Variants in ITGB5 observed in about 807,000 individuals in gnomAD.
ITGB5 encodes integrin subunit beta 5.
ITGB5 carries 38 observed loss-of-function variants against 84.8 expected under a neutral mutation model. The ratio of observed to expected loss-of-function variants is 0.45; its 90% CI spans 0.35 to 0.59. ITGB5 has a LOEUF of 0.59. Ranked by LOEUF, ITGB5 falls within the 20% of genes least tolerant of loss-of-function variation. The pLI, the probability that ITGB5 is intolerant of heterozygous loss-of-function variation, is 0.01. For missense variants in ITGB5, 905 were observed against 1,034.5 expected (o/e 0.87, Z 1.72); for synonymous variants, 393 against 414.4 (o/e 0.95, Z 0.63).
At chr3:124,844,726 C>T (rs12490725) in intron 4 of ITGB5, among the ~76,000 whole-genome samples, 17,399 of 152,140 alleles carry the variant, frequency 0.11, 1,108 homozygotes, top group South Asian at 0.17. Flanking sequence ...TGCATAAAGC[C>T]GAACAGCACA....
intron 2 of ITGB5, among the ~76,000 whole-genome samples, chr3:124,865,370 C>T (rs913775015): frequency 3.3e-5 from 5 of 151,524 alleles, no homozygotes; most frequent in African/African-American, 1.2e-4. Flanking sequence ...GGTTCCTGTA[C>T]ACAAACAAAG....
intron 2 of ITGB5, among the ~76,000 whole-genome samples, chr3:124,867,735 A>G (rs571430082): frequency 6.6e-6 from 1 of 152,190 alleles, no homozygotes; most frequent in Admixed American, 6.5e-5. Context: ...GCATCCGCAC[A>G]CTCTCCTCCA....
rs570480979 is a variant in ITGB5 at position 124,763,774 on chromosome 3, C to T, written c.2305-56G>A. ...ACACATGTTAGCTCACACACTCAAACCGACAGACGCAGGCCCTAGGATCCC... is the reference window on the plus strand; with the variant it reads ...ACACATGTTAGCTCACACACTCAAATCGACAGACGCAGGCCCTAGGATCCC... On this transcript the variant is annotated intron_variant, in intron 14 of 14. Transcript: ENST00000296181. 5.5e-5 allele frequency: 57 copies of T among 1,028,602 alleles called. No individual in the cohort carries two copies. The South Asian group carries it at 7.2e-4, about 13-fold the overall frequency. 63.7% of individuals were successfully genotyped at this position (1,028,602 alleles called of 1,614,324 possible). A position where few individuals can be genotyped will look rare whatever the true frequency, so the allele number is the denominator to read the frequency against.
intron 10 of ITGB5, among the ~76,000 whole-genome samples, chr3:124,783,290 CAAAAAAAA>C (rs758967509): frequency 7.0e-5 from 4 of 56,988 alleles, no homozygotes; most frequent in South Asian, 6.7e-4. Context: ...GACTCCGTCT[CAAAAAAAA>C]AAAAAAAAAA....
At chr3:124,845,376 G>A (rs941299386) in intron 4 of ITGB5, among the ~76,000 whole-genome samples, 3 of 152,240 alleles carry the variant, frequency 2.0e-5, no homozygotes, top group East Asian at 1.9e-4. Context: ...ACAGGATGCC[G>A]TGCTGCCTGG....
intron 4 of ITGB5, among the ~76,000 whole-genome samples, chr3:124,846,048 G>C (rs2065073573): frequency 6.6e-6 from 1 of 152,180 alleles, no homozygotes; most frequent in African/African-American, 2.4e-5. Context: ...AAAGAATTTA[G>C]AGTTCATTTG....
chr3:124,827,685 G>A (rs368549433), intron 5 of ITGB5, among the ~76,000 whole-genome samples: 23 of 152,248 alleles, frequency 1.5e-4, no homozygotes, highest in African/African-American at 5.3e-4. Flanking sequence ...CTAAGCCATC[G>A]TATCCCCTGT....
At chr3:124,801,388 T>A (rs2064313597) in intron 9 of ITGB5, among the ~76,000 whole-genome samples, 1 of 152,206 alleles carries the variant, frequency 6.6e-6, no homozygotes, top group South Asian at 2.1e-4. Context: ...TATTTCTCTT[T>A]GAGGACATCC....
At position 124,796,743 on chromosome 3, in the gene ITGB5, C is replaced by A; in HGVS notation, c.1338G>T (p.Pro446=). 1 of 1,614,120 alleles carries A rather than the reference C, an allele frequency of 6.2e-7. No homozygotes were observed. Among genetic ancestry groups the A allele is most frequent in the Non-Finnish European group, 8.5e-7 (1 of 1,180,024 alleles). ...RHTEHVFALR[P]VGFRDSLEVG... Reference sequence around the variant, plus strand: ...CCTCCAGGCTGTCCCGGAATCCCACCGGCCGCAGGGCAAACACATGCTCCG... The same window carrying A: ...CCTCCAGGCTGTCCCGGAATCCCACAGGCCGCAGGGCAAACACATGCTCCG... The change falls in exon 10 of 15, where the codon CCG becomes CCT. Residue 446 remains proline, a synonymous_variant. Transcript: ENST00000296181.
chr3:124,769,278 G>A lies in ITGB5; in HGVS notation c.1917-165C>T, dbSNP rs1382439456. ...CTGCTCTGCCTTTCTTCTTGTTATG[G>A]GAGGAAGCCCAAGGGTTCTTGGAGG... On this transcript the variant is annotated intron_variant, in intron 11 of 14. Transcript: ENST00000296181. 6.7e-6 allele frequency: 4 copies of A among 598,256 alleles called. No individual in the cohort carries two copies. In the Admixed American group the frequency reaches 1.2e-4, roughly 18 times the overall value. The allele number at this position is 598,256 out of a possible 1,614,324, so 37.1% of individuals were successfully genotyped here.
intron 2 of ITGB5, among the ~76,000 whole-genome samples, chr3:124,861,178 A>G (rs1379669224): frequency 6.6e-6 from 1 of 151,968 alleles, no homozygotes; most frequent in East Asian, 1.9e-4. Context: ...GTTTGTTTAT[A>G]TTCTGGGTTG....
intron 10 of ITGB5, 124 bp from the exon 11 acceptor site, chr3:124,774,036 A>G (rs2063888013): frequency 1.2e-6 from 1 of 863,126 alleles, no homozygotes; most frequent in South Asian, 1.6e-5. Context: ...CTGCCCTCAG[A>G]GCCTGTTTGG....
chr3:124,821,319 G>T lies in ITGB5; in HGVS notation c.936C>A (p.Asn312Lys). 1 of 1,612,996 alleles carries T rather than the reference G, an allele frequency of 6.2e-7. No individual in the cohort carries two copies. The highest frequency in any genetic ancestry group is 8.5e-7 in the Non-Finnish European group (1 of 1,179,438). ...LNEANEYTAS[N>K]QMDYPSLALL... ...TCTGGTTCCCGGCACTCACCATCTG[G>T]TTGGATGCAGTGTACTCGTTGGCCT... Residue 312 changes from asparagine (N) to lysine (K), a missense_variant, in exon 6 of 15, where the codon AAC becomes AAA. Coordinates refer to ENST00000296181, the MANE Select transcript of ITGB5 (RefSeq NM_002213.5).
chr3:124,803,175 A>G (rs2064341987), intron 9 of ITGB5, among the ~76,000 whole-genome samples: 2 of 152,150 alleles, frequency 1.3e-5, no homozygotes, highest in Non-Finnish European at 2.9e-5. Context: ...CATTTTTCTG[A>G]GGTATCCCAG....
intron 11 of ITGB5, 152 bp downstream of exon 11, chr3:124,773,538 G>T: frequency 1.5e-6 from 1 of 646,740 alleles, no homozygotes; most frequent in African/African-American, 1.8e-5. Context: ...TTTCAGTTAC[G>T]GTTGGTAAGA....
upstream of ITGB5, among the ~76,000 whole-genome samples, chr3:124,892,234 T>G (rs1935015881): frequency 6.6e-6 from 1 of 151,954 alleles, no homozygotes; most frequent in African/African-American, 2.4e-5. Context: ...CCTCAAGTGA[T>G]CTGCCTGCCT....
intron 7 of ITGB5, among the ~76,000 whole-genome samples, chr3:124,819,287 A>G (rs1267245866): frequency 1.3e-5 from 2 of 152,158 alleles, no homozygotes; most frequent in African/African-American, 4.8e-5. Flanking sequence ...CAGGACATTT[A>G]TTGGTTTCTT....
rs375253739 is a variant in ITGB5 at position 124,766,235 on chromosome 3, T to G, written c.2128A>C (p.Arg710=). ...PSGKSNLTVL[R]EPECGNTPNA... ...TGCAGCCCTCACCTACCTGGCTCCC[T>G]GAGGACGGTCAGGTTGGACTTCCCA... The change falls in exon 13 of 15, where the codon AGG becomes CGG. Residue 710 remains arginine (R), a synonymous_variant. Coordinates refer to ENST00000296181, the MANE Select transcript of ITGB5 (RefSeq NM_002213.5). The G allele has an allele frequency of 5.6e-6, 9 of 1,613,722 alleles. No individual in the cohort carries two copies. Among genetic ancestry groups the G allele is most frequent in the Non-Finnish European group, 6.8e-6 (8 of 1,179,898 alleles).
upstream of ITGB5, among the ~76,000 whole-genome samples, chr3:124,891,974 A>G (rs1935011158): frequency 6.6e-6 from 1 of 152,082 alleles, no homozygotes; most frequent in Non-Finnish European, 1.5e-5. Flanking sequence ...GGAGGGAGTG[A>G]GGAAGAGAGG....
Sources: gnomAD v4.1 joint callset for allele counts (sites outside exome capture counted in the v4.1 genomes callset) on GRCh38, gnomAD v4.1.1 for gene constraint, MANE v1.5 for transcripts, NCBI Gene and HGNC (gene_info 2026-07-23, HGNC 2026-07-21) for gene names.